Variants in USP40 observed in about 807,000 individuals in gnomAD.
USP40 encodes ubiquitin carboxyl-terminal hydrolase 40.
In USP40, 143 loss-of-function variants were observed where a neutral mutation model predicts 166.2. The observed-to-expected ratio is 0.86, with a 90% CI of 0.75 to 0.99. The LOEUF (loss-of-function observed/expected upper bound fraction) is 0.99. USP40 is among the 50% of genes least tolerant of loss of function. The pLI is 0.00. For missense variants in USP40, 1,444 were observed against 1,479.7 expected (o/e 0.98, Z 0.40); for synonymous variants, 498 against 524.0 (o/e 0.95, Z 0.68).
At chr2:233,549,069 A>G (rs1275687147) in intron 8 of USP40, 32 bp downstream of exon 8, 2 of 1,565,756 alleles carry the variant, frequency 1.3e-6, no homozygotes, top group East Asian at 4.6e-5. Flanking sequence ...AAGAAATTGC[A>G]AAGATATTTC....
At chr2:233,549,333 C>T (rs900625053) in intron 7 of USP40, 104 bp from the exon 8 acceptor site, 1 of 760,758 alleles carries the variant, frequency 1.3e-6, no homozygotes, top group Middle Eastern at 4.1e-4. Context: ...AGAAACTTCA[C>T]TGTTTGTTAT....
chr2:233,544,591 G>A (rs2125326775), intron 8 of USP40, among the ~76,000 whole-genome samples: 1 of 152,266 alleles, frequency 6.6e-6, no homozygotes, highest in South Asian at 2.1e-4. Flanking sequence ...AGGTTTGGTG[G>A]AAAGGGGCCC....
At position 233,489,503 on chromosome 2, in the gene USP40, T is replaced by C. The variant is rs1313833059; in HGVS notation, c.3013-20A>G. ...CATGGCCTAGAAAAAGAAACAGACA[T>C]TTCTCCAACGGTTTTAAAAAGCACT... On this transcript the variant is annotated intron_variant, in intron 26 of 31. Transcript: ENST00000678225. 3 of 1,561,686 alleles carry C rather than the reference T, an allele frequency of 1.9e-6. No individual in the cohort carries two copies. The highest frequency in any genetic ancestry group is 2.6e-6 in the Non-Finnish European group (3 of 1,151,400).
At chr2:233,517,407 CG>C (rs2067292796) in intron 18 of USP40, among the ~76,000 whole-genome samples, 1 of 87,534 alleles carries the variant, frequency 1.1e-5, no homozygotes, top group South Asian at 3.0e-4. Context: ...TTTTTTGAGA[CG>C]GAGTCTCGCT....
chr2:233,547,643 A>C (rs1007670195), intron 8 of USP40, among the ~76,000 whole-genome samples: 7 of 152,194 alleles, frequency 4.6e-5, no homozygotes. Flanking sequence ...TGTGTAATAG[A>C]TTATAATTTC....
At position 233,529,466 on chromosome 2, in the gene USP40, T is replaced by A; in HGVS notation, c.1518A>T (p.Glu506Asp). Residue 506 changes from glutamate (E) to aspartate (D), a missense_variant, in exon 12 of 32, where the codon GAA becomes GAT. Transcript: ENST00000678225. Reference protein sequence around the residue: ...RYGVPCHLLNEMDAANIELQT... With the variant: ...RYGVPCHLLNDMDAANIELQT... ...GCAGTTCAATGTTAGCTGCATCCAT[T>A]TCATTCAGTAAATGACATGGAACCC... 6.3e-7 allele frequency: 1 copy of A among 1,583,624 alleles called. No homozygotes were observed. Among genetic ancestry groups the A allele is most frequent in the Non-Finnish European group, 8.6e-7 (1 of 1,162,892 alleles).
At chr2:233,519,442 TATA>T in intron 18 of USP40, 169 bp downstream of exon 18, 1 of 530,854 alleles carries the variant, frequency 1.9e-6, no homozygotes. Context: ...TAACTTCATT[TATA>T]ATGTTTCAAA....
intron 4 of USP40, among the ~76,000 whole-genome samples, chr2:233,557,914 G>C (rs770794626): frequency 6.7e-6 from 1 of 149,780 alleles, no homozygotes; most frequent in Non-Finnish European, 1.5e-5. Flanking sequence ...CTGGGAGGCC[G>C]AGGCAGCAGG....
intron 14 of USP40, among the ~76,000 whole-genome samples, chr2:233,525,266 C>A (rs1039636665): frequency 1.3e-5 from 2 of 152,088 alleles, no homozygotes; most frequent in Admixed American, 6.5e-5. Context: ...TAAAATGTTT[C>A]CATGTTAGAA....
At chr2:233,565,772 T>C (rs932819805) in intron 1 of USP40, among the ~76,000 whole-genome samples, 199 bp from the exon 2 acceptor site, 1 of 152,082 alleles carries the variant, frequency 6.6e-6, no homozygotes, top group African/African-American at 2.4e-5. Flanking sequence ...TGTGTGACCC[T>C]GGATATGTTA....
At chr2:233,482,616 G>A (rs76402936) in intron 30 of USP40, among the ~76,000 whole-genome samples, 1,505 of 142,696 alleles carry the variant, frequency 0.011, 27 homozygotes, top group African/African-American at 0.037. Flanking sequence ...TTTGACACAC[G>A]GTCTGACTCT....
intron 4 of USP40, among the ~76,000 whole-genome samples, chr2:233,558,889 T>G (rs185841893): frequency 1.9e-4 from 29 of 152,306 alleles, no homozygotes; most frequent in African/African-American, 5.3e-4. Context: ...TATACCCCAT[T>G]TTGCTTGAAA....
intron 11 of USP40, among the ~76,000 whole-genome samples, chr2:233,530,804 A>G (rs1447805664): frequency 1.3e-5 from 2 of 152,192 alleles, no homozygotes; most frequent in African/African-American, 4.8e-5. Flanking sequence ...AATATATGTA[A>G]GCGCACTCTA....
intron 7 of USP40, among the ~76,000 whole-genome samples, 197 bp from the exon 8 acceptor site, chr2:233,549,426 CCAAT>C (rs1256147646): frequency 6.6e-6 from 1 of 152,014 alleles, no homozygotes; most frequent in East Asian, 1.9e-4. Context: ...TCACACTACA[CCAAT>C]CAAATTCTGC....
rs1167217667 is a variant in USP40, at chr2:233,481,185, G to A, written c.3599+18C>T. The A allele has an allele frequency of 3.2e-6, 5 of 1,586,836 alleles. No individual in the cohort carries two copies. The highest frequency in any genetic ancestry group is 4.3e-6 in the Non-Finnish European group (5 of 1,163,804). On this transcript the variant is annotated intron_variant, in intron 31 of 31. Coordinates refer to ENST00000678225, the MANE Select transcript of USP40 (RefSeq NM_001365479.2). ...AGGGCTCTGTCAGCTGCACATCTGT[G>A]CAGACCCCAGCAATTACCTTTTCCT...
Position 233,476,627 on chromosome 2 carries a change from C to T in USP40, c.*765G>A, listed in dbSNP as rs977177918. 2.4e-4 allele frequency: 36 copies of T among 152,582 alleles called. No homozygotes were observed. Among genetic ancestry groups the T allele is most frequent in the Admixed American group, 2.0e-3 (31 of 15,302 alleles). The allele number at this position is 152,582 out of a possible 1,614,324, so 9.5% of individuals were successfully genotyped here. On this transcript the variant is annotated 3_prime_UTR_variant, in exon 32 of 32. Transcript: ENST00000678225. ...TTCCACACAGGAAGAGAGGCTGAGGCGCTGTGGACGGCAGCAGCTGCAGTC... is the reference window on the plus strand; with the variant it reads ...TTCCACACAGGAAGAGAGGCTGAGGTGCTGTGGACGGCAGCAGCTGCAGTC...
chr2:233,481,318 T>C (rs368598378), intron 30 of USP40, 21 bp from the exon 31 acceptor site: 4 of 1,570,116 alleles, frequency 2.5e-6, no homozygotes, highest in African/African-American at 2.7e-5. Context: ...AAAGAAGTAA[T>C]GAGCAGTGTT....
At chr2:233,490,946 A>C in intron 26 of USP40, 1 of 680,680 alleles carries the variant, frequency 1.5e-6, no homozygotes, top group South Asian at 1.5e-5. Flanking sequence ...TTGAAACAAA[A>C]GCACAGCATG....
rs183752976 is a variant in USP40 at position 233,566,747 on chromosome 2, C to T, written c.-83G>A. 5.1e-6 allele frequency: 5 copies of T among 985,838 alleles called. No individual in the cohort carries two copies. The East Asian group carries it at 4.5e-4, about 89-fold the overall frequency. 61.1% of individuals were successfully genotyped at this position (985,838 alleles called of 1,614,324 possible). ...AGCGAACGAACCCGCCCCAACTGGGCGCCGCCATGTTGGCGAGGGCGGGTC... is the reference window on the plus strand; with the variant it reads ...AGCGAACGAACCCGCCCCAACTGGGTGCCGCCATGTTGGCGAGGGCGGGTC... On this transcript the variant is annotated 5_prime_UTR_variant, in exon 1 of 32. Coordinates refer to ENST00000678225, the MANE Select transcript of USP40 (RefSeq NM_001365479.2).
Sources: gnomAD v4.1 joint callset for allele counts (sites outside exome capture counted in the v4.1 genomes callset) on GRCh38, gnomAD v4.1.1 for gene constraint, MANE v1.5 for transcripts, NCBI Gene and HGNC (gene_info 2026-07-23, HGNC 2026-07-21) for gene names.